LGR6: variants seen among roughly 807,000 people sequenced by gnomAD.
LGR6 encodes the protein leucine rich repeat containing G protein-coupled receptor 6, also known as leucine-rich repeat-containing G protein-coupled receptor 6.
In LGR6, 45 loss-of-function variants were observed where a neutral mutation model predicts 69.4. That is an observed-to-expected ratio of 0.65 (90% CI 0.51 to 0.83). The LOEUF is 0.83. Ranked by LOEUF, LGR6 falls within the 40% of genes least tolerant of loss-of-function variation. The probability of loss-of-function intolerance (pLI) is 0.00; values close to 1 mark genes in which losing one functional copy is unlikely to be tolerated. For missense variants in LGR6, 1,108 were observed against 1,246.7 expected (o/e 0.89, Z 1.68); for synonymous variants, 538 against 555.0 (o/e 0.97, Z 0.43).
At chr1:202,203,791 G>C in intron 1 of LGR6, 1 of 1,613,642 alleles carries the variant, frequency 6.2e-7, no homozygotes, top group Non-Finnish European at 8.5e-7. Context: ...AGGCGGTTGT[G>C]GTGCAAAGGA....
chr1:202,235,973 G>A lies in LGR6; in HGVS notation c.408G>A (p.Glu136=). 1.2e-6 allele frequency: 2 copies of A among 1,613,788 alleles called. No individual in the cohort carries two copies. Among genetic ancestry groups the A allele is most frequent in the Admixed American group, 1.7e-5 (1 of 60,032 alleles). ...LGGIPAEALW[E]LPSLQSLRLD... ...GAATCCCCGCAGAGGCGCTGTGGGA[G>A]CTGCCGAGCCTGCAGTCGCTGTGAG... is the stretch of plus-strand genomic sequence containing the variant. Residue 136 remains glutamate, a synonymous_variant, in exon 4 of 18, where the codon GAG becomes GAA. Transcript: ENST00000367278.
At chr1:202,204,447 CCACA>C (rs199857270) in intron 1 of LGR6, among the ~76,000 whole-genome samples, 2 of 70,146 alleles carry the variant, frequency 2.9e-5, no homozygotes, top group African/African-American at 5.7e-5. Context: ...ACACACACCT[CCACA>C]CACACACACC....
chr1:202,288,882 A>T (rs1174572661), intron 6 of LGR6, among the ~76,000 whole-genome samples: 2 of 152,196 alleles, frequency 1.3e-5, no homozygotes, highest in Non-Finnish European at 2.9e-5. Context: ...GTGGTCAGGA[A>T]CACCTCAGAG....
intron 1 of LGR6, among the ~76,000 whole-genome samples, chr1:202,205,151 C>CAA (rs1558004642): frequency 1.5e-4 from 4 of 27,176 alleles, no homozygotes; most frequent in East Asian, 1.4e-3. Context: ...CACACACCTC[C>CAA]ACACACACCT....
At chr1:202,259,656 T>C (rs947827755) in intron 4 of LGR6, among the ~76,000 whole-genome samples, 1 of 152,176 alleles carries the variant, frequency 6.6e-6, no homozygotes, top group South Asian at 2.1e-4. Flanking sequence ...GTTTCCATTG[T>C]TCTCCTTCTT....
chr1:202,303,095 G>GA (rs1667724926), intron 9 of LGR6, among the ~76,000 whole-genome samples, 184 bp from the exon 10 acceptor site: 1 of 152,138 alleles, frequency 6.6e-6, no homozygotes, highest in Admixed American at 6.5e-5. Flanking sequence ...TGGCTGGTTG[G>GA]ACCCTGCTAA....
rs757435566 is a variant in LGR6 at position 202,309,079 on chromosome 1, C to T, written c.1309C>T (p.Leu437=). The T allele has an allele frequency of 2.5e-5, 40 of 1,614,164 alleles. No individual in the cohort carries two copies. Among genetic ancestry groups the T allele is most frequent in the Middle Eastern group, 1.6e-4 (1 of 6,062 alleles). The change falls in exon 15 of 18, where the codon CTG becomes TTG. Residue 437 remains leucine (L), a synonymous_variant. Transcript: ENST00000367278. The stretch of plus-strand genomic sequence containing the variant: ...CCTGACAGACAACCAGCTGACCACA[C>T]TGCCCCTGGCTGGACTTGGGGGCTT... The part of the protein sequence containing the change: ...LDLTDNQLTT[L]PLAGLGGLMH...
At chr1:202,203,717 A>G in intron 1 of LGR6, 1 of 1,217,562 alleles carries the variant, frequency 8.2e-7, no homozygotes, top group African/African-American at 1.5e-5. Context: ...ACTGCGTAGC[A>G]GGCGGGGCAC....
At position 202,277,795 on chromosome 1, in the gene LGR6, T is replaced by A. The variant is rs1302060193; in HGVS notation, c.644+1274T>A. Reference sequence around the variant, plus strand: ...ACACAGCCAGATGATAAATTCAGACTCATAGCAGCATAGATATGGTGGGAA... The same window carrying A: ...ACACAGCCAGATGATAAATTCAGACACATAGCAGCATAGATATGGTGGGAA... On this transcript the variant is annotated intron_variant, in intron 5 of 17. Coordinates refer to ENST00000367278, the MANE Select transcript of LGR6 (RefSeq NM_001017403.2). Among the ~76,000 whole-genome samples, 2 of 138,146 alleles carry A rather than the reference T, an allele frequency of 1.4e-5. 1 individual carries two copies. Among genetic ancestry groups the A allele is most frequent in the South Asian group, 4.4e-4 (2 of 4,512 alleles). 90.6% of individuals were successfully genotyped at this position (138,146 alleles called of 152,430 possible).
intron 4 of LGR6, among the ~76,000 whole-genome samples, chr1:202,241,724 G>T (rs576337849): frequency 9.9e-5 from 15 of 152,138 alleles, no homozygotes; most frequent in Non-Finnish European, 1.8e-4. Context: ...GGGCTGCGCT[G>T]GTCTGGGTCC....
intron 6 of LGR6, among the ~76,000 whole-genome samples, chr1:202,288,915 G>A (rs981874768): frequency 3.3e-5 from 5 of 152,286 alleles, no homozygotes; most frequent in African/African-American, 1.2e-4. Context: ...CTGCATTAAC[G>A]GGCCCCAAAC....
chr1:202,256,299 A>G (rs185813505), intron 4 of LGR6, among the ~76,000 whole-genome samples: 1 of 152,100 alleles, frequency 6.6e-6, no homozygotes, highest in Non-Finnish European at 1.5e-5. Flanking sequence ...GCTGGAGTGC[A>G]GTGGTGCGAT....
At chr1:202,294,659 G>A (rs1191074964) in intron 6 of LGR6, among the ~76,000 whole-genome samples, 1 of 152,182 alleles carries the variant, frequency 6.6e-6, no homozygotes, top group Non-Finnish European at 1.5e-5. Flanking sequence ...AAAGGCAGAG[G>A]CTGTGAGGCC....
At chr1:202,300,976 C>T (rs1472191667) in intron 8 of LGR6, 56 bp downstream of exon 8, 2 of 1,500,690 alleles carry the variant, frequency 1.3e-6, no homozygotes, top group Non-Finnish European at 1.8e-6. Flanking sequence ...GGGAGGAGGA[C>T]AGAGGATGGG....
At chr1:202,208,357 G>A (rs1659333494) in intron 1 of LGR6, among the ~76,000 whole-genome samples, 1 of 151,804 alleles carries the variant, frequency 6.6e-6, no homozygotes, top group Non-Finnish European at 1.5e-5. Context: ...GACAAATGAT[G>A]GTGTATAAAG....
intron 4 of LGR6, among the ~76,000 whole-genome samples, chr1:202,252,737 G>C (rs185433673): frequency 1.1e-3 from 167 of 152,358 alleles, no homozygotes; most frequent in African/African-American, 3.9e-3. Flanking sequence ...TGGCAGGTGT[G>C]AAAAGTTTGG....
Position 202,193,986 on chromosome 1 carries a change from C to A in LGR6, c.-4C>A. On this transcript the variant is annotated 5_prime_UTR_variant, in exon 1 of 18. Transcript: ENST00000367278. ...CCAGGTGCCCCAGTAGCCCGACCGCCGAGATGCCCAGCCCGCCGGGGCTCC... is the reference window on the plus strand; with the variant it reads ...CCAGGTGCCCCAGTAGCCCGACCGCAGAGATGCCCAGCCCGCCGGGGCTCC... 7.3e-7 allele frequency: 1 copy of A among 1,368,716 alleles called. No individual in the cohort carries two copies. Among genetic ancestry groups the A allele is most frequent in the South Asian group, 1.6e-5 (1 of 61,814 alleles). The allele number at this position is 1,368,716 out of a possible 1,614,324, so 84.8% of individuals were successfully genotyped here. A position where few individuals can be genotyped will look rare whatever the true frequency, so the allele number is the denominator to read the frequency against.
At chr1:202,315,163 G>C (rs1174060531) in intron 17 of LGR6, among the ~76,000 whole-genome samples, 1 of 152,230 alleles carries the variant, frequency 6.6e-6, no homozygotes, top group Admixed American at 6.5e-5. Flanking sequence ...ACACAGGAGA[G>C]AAGCAGGAAA....
chr1:202,236,159 G>A (rs1661530657), intron 4 of LGR6, 166 bp downstream of exon 4: 1 of 627,590 alleles, frequency 1.6e-6, no homozygotes. Context: ...GGGGTTTTCT[G>A]TTGTCATCAG....
Sources: allele counts gnomAD v4.1 joint callset (sites outside exome capture counted in the v4.1 genomes callset), GRCh38; gene constraint gnomAD v4.1.1; transcripts MANE v1.5; gene names NCBI Gene and HGNC (gene_info 2026-07-23, HGNC 2026-07-21).